The following XKR9 variants were observed in gnomAD, a reference collection of about 807,000 sequenced individuals.
XKR9 encodes the protein XK-related protein 9.
In XKR9, 32 loss-of-function variants were observed where a neutral mutation model predicts 32.0. The ratio of observed to expected loss-of-function variants is 1.00; its 90% confidence interval spans 0.76 to 1.34. The LOEUF (loss-of-function observed/expected upper bound fraction) is 1.34. Among genes scored for constraint, XKR9 ranks in the 40% most tolerant of loss-of-function variants. The pLI is 0.00. For synonymous variants in XKR9, 168 were observed against 143.4 expected, an observed-to-expected ratio of 1.17 and a Z score of -1.22; for missense variants, 546 against 429.7, an observed-to-expected ratio of 1.27 and a Z score of -2.39.
intron 2 of XKR9, among the ~76,000 whole-genome samples, chr8:70,788,813 T>C (rs968122097): frequency 7.9e-5 from 12 of 152,078 alleles, no homozygotes; most frequent in Non-Finnish European, 1.5e-4. Context: ...TAAAATGTAC[T>C]AAAAATTACA....
chr8:70,945,903 G>A, the XKR9 span, among the ~76,000 whole-genome samples: 1 of 152,188 alleles, frequency 6.6e-6, no homozygotes, highest in Admixed American at 6.5e-5. Context: ...TTGTGCGGCC[G>A]AGGTGGACGG....
intron 3 of XKR9, among the ~76,000 whole-genome samples, chr8:70,702,286 C>T (rs887522256): frequency 6.6e-6 from 1 of 152,076 alleles, no homozygotes; most frequent in African/African-American, 2.4e-5. Context: ...ATTATAATAA[C>T]ATACTTCATA....
the XKR9 span, among the ~76,000 whole-genome samples, chr8:71,027,781 G>GC: frequency 2.1e-4 from 7 of 33,896 alleles, 1 homozygote; most frequent in Admixed American, 1.4e-3. Context: ...TTTTTTGGCG[G>GC]GGGGGGGGGG....
chr8:70,881,055 A>T, the XKR9 span, among the ~76,000 whole-genome samples: 1 of 152,326 alleles, frequency 6.6e-6, no homozygotes, highest in South Asian at 2.1e-4. Flanking sequence ...TGCTGGGAAA[A>T]CTGGCTAGCC....
chr8:70,732,252 C>T (rs1350847103), intron 4 of XKR9, among the ~76,000 whole-genome samples: 2 of 152,236 alleles, frequency 1.3e-5, no homozygotes, highest in Non-Finnish European at 2.9e-5. Flanking sequence ...CTAGGATACT[C>T]ACCAAACCAG....
Position 70,681,029 on chromosome 8 carries a change from G to C in XKR9, c.-30G>C. 6.4e-7 allele frequency: 1 copy of C among 1,571,666 alleles called. No homozygotes were observed. Among genetic ancestry groups the C allele is most frequent in the South Asian group, 1.2e-5 (1 of 84,494 alleles). ...TTCCCTTTTTGTGAGGGAGAAAAAA[G>C]TAGATAACGAAAAGCTATAGTCATT... On this transcript the variant is annotated 5_prime_UTR_variant, in exon 3 of 5. Transcript: ENST00000408926.
the XKR9 span, among the ~76,000 whole-genome samples, chr8:71,026,563 T>C: frequency 2.4e-4 from 36 of 152,330 alleles, no homozygotes; most frequent in African/African-American, 8.4e-4. Context: ...CAATTGCTAT[T>C]GTCGCAGGGA....
chr8:70,731,872 C>T (rs561863905), intron 4 of XKR9, among the ~76,000 whole-genome samples: 1 of 152,304 alleles, frequency 6.6e-6, no homozygotes, highest in East Asian at 1.9e-4. Flanking sequence ...CAAACATACA[C>T]TAAGACAAGA....
the XKR9 span, among the ~76,000 whole-genome samples, chr8:71,062,801 C>G: frequency 6.6e-6 from 1 of 151,850 alleles, no homozygotes. Context: ...TGATTTTTTT[C>G]TAATACCTTT....
the XKR9 span, among the ~76,000 whole-genome samples, chr8:70,991,594 C>A: frequency 6.6e-6 from 1 of 152,156 alleles, no homozygotes; most frequent in Admixed American, 6.5e-5. Flanking sequence ...CAGCGTGACT[C>A]AGGCTCTTTA....
At chr8:70,859,274 G>T in the XKR9 span, among the ~76,000 whole-genome samples, 1 of 152,004 alleles carries the variant, frequency 6.6e-6, no homozygotes. Context: ...AATCATCAGA[G>T]AAATGCAATC....
the XKR9 span, among the ~76,000 whole-genome samples, chr8:70,948,629 C>G: frequency 6.6e-6 from 1 of 152,290 alleles, no homozygotes; most frequent in South Asian, 2.1e-4. Context: ...CCTAAGCTAA[C>G]CTGACATAAC....
At chr8:71,053,575 A>G in the XKR9 span, among the ~76,000 whole-genome samples, 1 of 152,248 alleles carries the variant, frequency 6.6e-6, no homozygotes, top group Non-Finnish European at 1.5e-5. Context: ...TGGGGCAACC[A>G]TAACCAGGAT....
At chr8:70,898,581 A>G in the XKR9 span, among the ~76,000 whole-genome samples, 1 of 152,102 alleles carries the variant, frequency 6.6e-6, no homozygotes, top group Non-Finnish European at 1.5e-5. Flanking sequence ...TCTTTGACCT[A>G]TGGCTTATTT....
chr8:70,950,003 T>G, the XKR9 span, among the ~76,000 whole-genome samples: 1 of 152,196 alleles, frequency 6.6e-6, no homozygotes, highest in Non-Finnish European at 1.5e-5. Context: ...ACTCCCTTGC[T>G]CATTCTTCCC....
intron 4 of XKR9, among the ~76,000 whole-genome samples, chr8:70,726,732 C>T (rs149760113): frequency 5.3e-5 from 8 of 152,272 alleles, no homozygotes; most frequent in African/African-American, 1.9e-4. Flanking sequence ...ATGCTCAAGA[C>T]ATTTAGCTCG....
chr8:71,022,907 G>A, the XKR9 span, among the ~76,000 whole-genome samples: 4 of 149,008 alleles, frequency 2.7e-5, no homozygotes, highest in Non-Finnish European at 4.5e-5. Flanking sequence ...TTTTTATTTT[G>A]TTCATTGAAT....
chr8:70,700,165 G>T (rs1156932116), intron 3 of XKR9, among the ~76,000 whole-genome samples: 4 of 152,170 alleles, frequency 2.6e-5, no homozygotes, highest in African/African-American at 9.7e-5. Flanking sequence ...ATCGTCTGAA[G>T]CCTTCTTCTC....
chr8:70,954,635 C>T, the XKR9 span, among the ~76,000 whole-genome samples: 3 of 152,138 alleles, frequency 2.0e-5, no homozygotes, highest in Admixed American at 2.0e-4. Flanking sequence ...AACCTTGAGC[C>T]AACTTCTCTT....
Sources: gnomAD v4.1 joint callset for allele counts (sites outside exome capture counted in the v4.1 genomes callset) on GRCh38, gnomAD v4.1.1 for gene constraint, MANE v1.5 for transcripts, NCBI Gene and HGNC (gene_info 2026-07-23, HGNC 2026-07-21) for gene names.